Variants in ZKSCAN8 observed in about 807,000 individuals in gnomAD.
ZKSCAN8 encodes zinc finger protein with KRAB and SCAN domains 8.
In ZKSCAN8, 27 loss-of-function variants were observed where a neutral mutation model predicts 57.2. That is an observed-to-expected ratio of 0.47 (90% confidence interval 0.35 to 0.65). The LOEUF is 0.65. ZKSCAN8 is among the 30% of genes least tolerant of loss of function. The pLI is 0.01. For synonymous variants in ZKSCAN8, 214 were observed against 248.7 expected (o/e 0.86, Z 1.31); for missense variants, 597 against 696.3 (o/e 0.86, Z 1.60).
intron 1 of ZKSCAN8, among the ~76,000 whole-genome samples, chr6:28,146,550 A>C (rs1765403497): frequency 6.6e-6 from 1 of 152,214 alleles, no homozygotes. Context: ...TGTCCCTAAA[A>C]TGAGCTATGG....
intron 5 of ZKSCAN8, 69 bp from the exon 6 acceptor site, chr6:28,152,986 TC>T: frequency 3.8e-6 from 6 of 1,565,784 alleles, no homozygotes; most frequent in Non-Finnish European, 4.3e-6. Flanking sequence ...TATCTTCAGT[TC>T]CTTTCTCCTA....
In ZKSCAN8 at chr6:28,153,380, C is replaced by T. The variant is rs746345307; in HGVS notation, c.1100C>T (p.Ser367Leu). ...KAFSYRSALL[S>L]HQDIHNKVKR... ...TTCAGTTACAGGTCAGCCCTTCTTT[C>T]ACATCAGGATATCCACAACAAAGTA... The change falls in exon 6 of 6, where the codon TCA (serine) becomes TTA (leucine). Residue 367 changes from serine to leucine, a missense_variant. Physicochemically the swap from Ser to Leu is moderately radical, Grantham distance 145. Coordinates refer to ENST00000330236, the MANE Select transcript of ZKSCAN8 (RefSeq NM_006298.4). The T allele has an allele frequency of 4.3e-6, 7 of 1,612,612 alleles. No homozygotes were observed. Among genetic ancestry groups the T allele is most frequent in the Non-Finnish European group, 5.1e-6 (6 of 1,179,654 alleles).
Position 28,159,272 on chromosome 6 carries a change from A to G in ZKSCAN8, c.*5255A>G, listed in dbSNP as rs1373955988. 1 of 152,206 alleles carries G rather than the reference A, an allele frequency of 6.6e-6. No homozygotes were observed. Among genetic ancestry groups the G allele is most frequent in the Non-Finnish European group, 1.5e-5 (1 of 68,044 alleles). 9.4% of individuals were successfully genotyped at this position (152,206 alleles called of 1,614,324 possible). On this transcript the variant is annotated 3_prime_UTR_variant, in exon 6 of 6. Coordinates refer to ENST00000330236, the MANE Select transcript of ZKSCAN8 (RefSeq NM_006298.4). ...TTGTACTGTGGTCCATGTACTTACT[A>G]ATATGTTGCTTTGTAATTATTTTCT...
Position 28,149,527 on chromosome 6 carries a change from A to G in ZKSCAN8, c.462A>G (p.Val154=), listed in dbSNP as rs779962717. The change falls in exon 3 of 6, where the codon GTA becomes GTG. Residue 154 remains valine, a synonymous_variant. Coordinates refer to ENST00000330236, the MANE Select transcript of ZKSCAN8 (RefSeq NM_006298.4). ...GACATAGGGTACTCTGGGAGGAGGT[A>G]GTACATTCAGCATCTGCACCAGAGC... The part of the protein sequence containing the change: ...VHGHRVLWEE[V]VHSASAPEPP... 1 of 1,614,168 alleles carries G rather than the reference A, an allele frequency of 6.2e-7. No individual in the cohort carries two copies. The highest frequency in any genetic ancestry group is 8.5e-7 in the Non-Finnish European group (1 of 1,180,006).
intron 5 of ZKSCAN8, 79 bp from the exon 6 acceptor site, chr6:28,152,977 A>G: frequency 6.4e-7 from 1 of 1,551,294 alleles, no homozygotes; most frequent in Non-Finnish European, 8.7e-7. Flanking sequence ...CTTTTCCCCT[A>G]TCTTCAGTTC....
Position 28,153,697 on chromosome 6 carries a change from C to T in ZKSCAN8, c.1417C>T (p.Arg473Trp). ...ECDECGKTFR[R>W]SSHLIGHQRS... Reference sequence around the variant, plus strand: ...TGATGAGTGTGGGAAAACCTTCAGGCGGAGCTCACATCTTATTGGTCATCA... The same window carrying T: ...TGATGAGTGTGGGAAAACCTTCAGGTGGAGCTCACATCTTATTGGTCATCA... Residue 473 changes from arginine (R) to tryptophan (W), a missense_variant, in exon 6 of 6, where the codon CGG becomes TGG. Physicochemically the swap from Arg to Trp is moderately radical, Grantham distance 101. Transcript: ENST00000330236. The T allele has an allele frequency of 2.5e-6, 4 of 1,613,740 alleles. No individual in the cohort carries two copies. Among genetic ancestry groups the T allele is most frequent in the Non-Finnish European group, 2.5e-6 (3 of 1,179,920 alleles).
At position 28,153,078 on chromosome 6, in the gene ZKSCAN8, C is replaced by T; in HGVS notation, c.798C>T (p.Asn266=). The change falls in exon 6 of 6, where the codon AAC becomes AAT. Residue 266 remains asparagine, a synonymous_variant. Coordinates refer to ENST00000330236, the MANE Select transcript of ZKSCAN8 (RefSeq NM_006298.4). ...CAGGTGGTGAGACCAGGAGTGAGAACAGGGAATTAGCTTCAAAACAGGTAA... is the reference window on the plus strand; with the variant it reads ...CAGGTGGTGAGACCAGGAGTGAGAATAGGGAATTAGCTTCAAAACAGGTAA... ...FSLGGETRSE[N]RELASKQVIS... is the part of the protein sequence containing the mutation. The T allele has an allele frequency of 6.2e-7, 1 of 1,614,066 alleles. No homozygotes were observed. The highest frequency in any genetic ancestry group is 1.3e-5 in the African/African-American group (1 of 74,998).
intron 1 of ZKSCAN8, among the ~76,000 whole-genome samples, chr6:28,145,246 CATT>C (rs1240614159): frequency 3.9e-5 from 6 of 152,050 alleles, no homozygotes; most frequent in Admixed American, 3.3e-4. Context: ...TATTTACAGA[CATT>C]ATGAAAGGTC....
chr6:28,148,346 GTCTTC>G lies in ZKSCAN8; in HGVS notation c.-57_-53del. The G allele has an allele frequency of 6.6e-7, 1 of 1,513,454 alleles. No individual in the cohort carries two copies. The highest frequency in any genetic ancestry group is 8.9e-7 in the Non-Finnish European group (1 of 1,121,762). The allele number at this position is 1,513,454 out of a possible 1,614,324, so 93.8% of individuals were successfully genotyped here. On this transcript the variant is annotated 5_prime_UTR_variant, in exon 2 of 6. Transcript: ENST00000330236. ...CCCTTAGAAAGAGGCCCTCAGAAGA[GTCTTC>G]TCTTAAGAAGATAAAGAAGGTAGTG...
Position 28,153,243 on chromosome 6 carries a change from A to G in ZKSCAN8, c.963A>G (p.Arg321=). ...RQRGNPTQER[R]HKCDECGKSF... ...GGGGAAATCCCACACAAGAGAGACG[A>G]CATAAATGTGATGAATGTGGGAAAA... is the stretch of plus-strand genomic sequence containing the variant. Residue 321 remains arginine, a synonymous_variant, in exon 6 of 6, where the codon CGA becomes CGG. Coordinates refer to ENST00000330236, the MANE Select transcript of ZKSCAN8 (RefSeq NM_006298.4). 1.2e-6 allele frequency: 2 copies of G among 1,614,216 alleles called. No homozygotes were observed. The highest frequency in any genetic ancestry group is 1.7e-6 in the Non-Finnish European group (2 of 1,180,026).
rs1246739563 is a variant in ZKSCAN8 at position 28,148,658 on chromosome 6, T to C, written c.251T>C (p.Leu84Ser). ...TGCCATCAGTGGCTGAGGCCAGATT[T>C]GAACACCAAGGAACAGATCCTGGAG... ...ALCHQWLRPD[L>S]NTKEQILELL... The change falls in exon 2 of 6, where the codon TTG becomes TCG. Residue 84 changes from leucine (L) to serine (S), a missense_variant. Leu to Ser is a moderately radical substitution (Grantham distance 145). Transcript: ENST00000330236. The C allele has an allele frequency of 1.2e-6, 2 of 1,614,086 alleles. No homozygotes were observed. Among genetic ancestry groups the C allele is most frequent in the Admixed American group, 3.3e-5 (2 of 60,010 alleles).
At position 28,153,614 on chromosome 6, in the gene ZKSCAN8, A is replaced by G. The variant is rs779396389; in HGVS notation, c.1334A>G (p.His445Arg). 1 of 1,613,948 alleles carries G rather than the reference A, an allele frequency of 6.2e-7. No individual in the cohort carries two copies. The highest frequency in any genetic ancestry group is 2.2e-5 in the East Asian group (1 of 44,872). Residue 445 changes from histidine (H) to arginine (R), a missense_variant, in exon 6 of 6, where the codon CAT becomes CGT. Physicochemically the swap from His to Arg is conservative, Grantham distance 29. Transcript: ENST00000330236. ...ECNECGKAFS[H>R]SSHLIGHQRI... ...AATGAGTGTGGGAAAGCTTTCAGTC[A>G]TAGCTCACACCTCATTGGACATCAG...
Position 28,154,241 on chromosome 6 carries a change from GACCT to G in ZKSCAN8, c.*226_*229del. Reference sequence around the variant, plus strand: ...GAAAGTATCTGATGGAGCTCCTGATGACCTAATGTATCCTTTAGAAATTTAAAAT... The same window carrying G: ...GAAAGTATCTGATGGAGCTCCTGATGAATGTATCCTTTAGAAATTTAAAAT... On this transcript the variant is annotated 3_prime_UTR_variant, in exon 6 of 6. Transcript: ENST00000330236. 1.9e-6 allele frequency: 1 copy of G among 536,752 alleles called. No individual in the cohort carries two copies. The highest frequency in any genetic ancestry group is 3.4e-5 in the South Asian group (1 of 29,586). 33.2% of individuals were successfully genotyped at this position (536,752 alleles called of 1,614,324 possible). A position where few individuals can be genotyped will look rare whatever the true frequency, so the allele number is the denominator to read the frequency against.
At chr6:28,148,949 G>T (rs1342615176) in intron 2 of ZKSCAN8, 125 bp downstream of exon 2, 7 of 1,136,592 alleles carry the variant, frequency 6.2e-6, no homozygotes, top group African/African-American at 3.1e-5. Flanking sequence ...GATGACAATA[G>T]TTTTAGTGTA....
intron 3 of ZKSCAN8, among the ~76,000 whole-genome samples, 188 bp downstream of exon 3, chr6:28,149,812 T>A (rs563259031): frequency 6.0e-5 from 9 of 150,782 alleles, no homozygotes; most frequent in African/African-American, 2.2e-4. Flanking sequence ...ATGAACAAAT[T>A]AAATAATTTG....
At chr6:28,146,484 C>T (rs897407476) in intron 1 of ZKSCAN8, among the ~76,000 whole-genome samples, 4 of 152,084 alleles carry the variant, frequency 2.6e-5, no homozygotes, top group African/African-American at 9.7e-5. Flanking sequence ...AAGACTTCAA[C>T]GGAGAGACAC....
chr6:28,153,415 C>T lies in ZKSCAN8; in HGVS notation c.1135C>T (p.His379Tyr). 6.2e-7 allele frequency: 1 copy of T among 1,613,976 alleles called. No homozygotes were observed. The highest frequency in any genetic ancestry group is 1.1e-5 in the South Asian group (1 of 91,080). Reference protein sequence around the residue: ...QDIHNKVKRYHCKECGKAFSQ... With the variant: ...QDIHNKVKRYYCKECGKAFSQ... ...TATCCACAACAAAGTAAAACGCTAT[C>T]ACTGTAAGGAGTGTGGCAAAGCCTT... The change falls in exon 6 of 6, where the codon CAC (histidine) becomes TAC (tyrosine). Residue 379 changes from histidine to tyrosine, a missense_variant. Physicochemically the swap from His to Tyr is moderately conservative, Grantham distance 83. Coordinates refer to ENST00000330236, the MANE Select transcript of ZKSCAN8 (RefSeq NM_006298.4).
In ZKSCAN8 at chr6:28,156,868, C is replaced by T. The variant is rs1330652394; in HGVS notation, c.*2851C>T. On this transcript the variant is annotated 3_prime_UTR_variant, in exon 6 of 6. Coordinates refer to ENST00000330236, the MANE Select transcript of ZKSCAN8 (RefSeq NM_006298.4). ...GGTTTCAGAGATTTTCTCCATGGAG[C>T]AAGGTGCAGTGCTAGAATATGGTGG... The T allele has an allele frequency of 6.6e-6, 1 of 152,142 alleles. No homozygotes were observed. The highest frequency in any genetic ancestry group is 2.4e-5 in the African/African-American group (1 of 41,420). The allele number at this position is 152,142 out of a possible 1,614,324, so 9.4% of individuals were successfully genotyped here.
At position 28,158,298 on chromosome 6, in the gene ZKSCAN8, CA is replaced by C. The variant is rs966709522; in HGVS notation, c.*4282del. Reference sequence around the variant, plus strand: ...TAATCTCCCTGTCTTTTATTCACTTCATTTTCTATACTCCTATTTATCCATT... The same window carrying C: ...TAATCTCCCTGTCTTTTATTCACTTCTTTTCTATACTCCTATTTATCCATT... On this transcript the variant is annotated 3_prime_UTR_variant, in exon 6 of 6. Transcript: ENST00000330236. The C allele has an allele frequency of 6.6e-6, 1 of 152,030 alleles. No individual in the cohort carries two copies. Among genetic ancestry groups the C allele is most frequent in the Non-Finnish European group, 1.5e-5 (1 of 68,020 alleles). 9.4% of individuals were successfully genotyped at this position (152,030 alleles called of 1,614,324 possible).
Sources: gnomAD v4.1 joint callset for allele counts (sites outside exome capture counted in the v4.1 genomes callset) on GRCh38, gnomAD v4.1.1 for gene constraint, MANE v1.5 for transcripts, NCBI Gene and HGNC (gene_info 2026-07-23, HGNC 2026-07-21) for gene names.